The following ZNRF3 variants were observed in gnomAD, a reference collection of about 807,000 sequenced individuals.
ZNRF3 encodes zinc and ring finger 3, also known as E3 ubiquitin-protein ligase ZNRF3.
A neutral mutation model predicts 72.5 loss-of-function variants in ZNRF3; 23 were observed. The ratio of observed to expected loss-of-function variants is 0.32; its 90% CI spans 0.23 to 0.45. The LOEUF (loss-of-function observed/expected upper bound fraction) is 0.45. ZNRF3 is among the 20% of genes least tolerant of loss of function. The probability of loss-of-function intolerance (pLI) is 1.00; values close to 1 mark genes in which losing one functional copy is unlikely to be tolerated. For synonymous variants in ZNRF3, 610 were observed against 545.3 expected (o/e 1.12, Z -1.65); for missense variants, 1,169 against 1,272.1 (o/e 0.92, Z 1.23).
intron 1 of ZNRF3, among the ~76,000 whole-genome samples, chr22:28,985,770 A>C (rs1021130998): frequency 2.5e-4 from 38 of 152,306 alleles, no homozygotes; most frequent in African/African-American, 8.9e-4. Flanking sequence ...TGGGTGTATT[A>C]GTTTCCTATT....
intron 1 of ZNRF3, among the ~76,000 whole-genome samples, chr22:28,975,507 CAAA>C (rs71316877): frequency 2.1e-5 from 1 of 47,850 alleles, no homozygotes; most frequent in Non-Finnish European, 3.7e-5. Context: ...TACTCTGTCT[CAAA>C]AAAAAAAAAA....
intron 1 of ZNRF3, among the ~76,000 whole-genome samples, chr22:28,973,999 C>G (rs563295772): frequency 1.1e-3 from 163 of 149,370 alleles, no homozygotes; most frequent in African/African-American, 3.8e-3. Context: ...GCTTTGTCAC[C>G]CAGGCTGAAG....
intron 2 of ZNRF3, among the ~76,000 whole-genome samples, chr22:29,007,839 C>G (rs2123850271): frequency 6.6e-6 from 1 of 150,484 alleles, no homozygotes; most frequent in African/African-American, 2.5e-5. Flanking sequence ...TCACCACAAC[C>G]TCCGCCTCCC....
intron 2 of ZNRF3, among the ~76,000 whole-genome samples, chr22:29,035,033 G>A (rs562082484): frequency 1.4e-5 from 2 of 146,436 alleles, no homozygotes; most frequent in African/African-American, 2.6e-5. Context: ...ATAGACACAC[G>A]GAGTCTTGCT....
At chr22:29,018,732 A>G (rs181162380) in intron 2 of ZNRF3, 2 of 152,512 alleles carry the variant, frequency 1.3e-5, no homozygotes, top group Non-Finnish European at 2.9e-5. Context: ...GCACAAAGCA[A>G]TGTAAACAGG....
chr22:28,888,979 G>A (rs554923575), intron 1 of ZNRF3, among the ~76,000 whole-genome samples: 252 of 152,308 alleles, frequency 1.7e-3, no homozygotes, highest in Non-Finnish European at 2.8e-3. Context: ...GCCAGGTGTG[G>A]TGGCACATGC....
intron 1 of ZNRF3, among the ~76,000 whole-genome samples, chr22:28,927,999 C>A (rs2034634375): frequency 6.6e-6 from 1 of 152,182 alleles, no homozygotes; most frequent in Admixed American, 6.5e-5. Flanking sequence ...CTATAGAAGG[C>A]AGCTGCACAG....
intron 1 of ZNRF3, among the ~76,000 whole-genome samples, chr22:28,937,803 T>C (rs1050499939): frequency 1.3e-5 from 2 of 152,258 alleles, no homozygotes; most frequent in Non-Finnish European, 2.9e-5. Flanking sequence ...TATTCATACA[T>C]ATGTGGACAT....
intron 2 of ZNRF3, among the ~76,000 whole-genome samples, chr22:29,014,965 C>T (rs776969328): frequency 9.9e-5 from 15 of 152,228 alleles, no homozygotes; most frequent in Non-Finnish European, 8.8e-5. Flanking sequence ...GCCTCCGCTC[C>T]GTCATCTGTT....
intron 1 of ZNRF3, among the ~76,000 whole-genome samples, chr22:28,986,199 C>T (rs555260585): frequency 1.3e-5 from 2 of 152,142 alleles, no homozygotes; most frequent in Non-Finnish European, 2.9e-5. Context: ...ATCTTGGGGG[C>T]CATATTCTGT....
chr22:28,959,195 C>G (rs1423875581), intron 1 of ZNRF3, among the ~76,000 whole-genome samples: 1 of 152,220 alleles, frequency 6.6e-6, no homozygotes. Flanking sequence ...GCATGAGCAT[C>G]TGACCCAGCA....
chr22:28,968,107 G>C (rs1167032351), intron 1 of ZNRF3, among the ~76,000 whole-genome samples: 1 of 152,108 alleles, frequency 6.6e-6, no homozygotes, highest in African/African-American at 2.4e-5. Context: ...TCAAAGCTGT[G>C]TTAGAGGCTT....
chr22:29,045,638 G>A (rs867238583), intron 5 of ZNRF3, among the ~76,000 whole-genome samples: 5 of 151,944 alleles, frequency 3.3e-5, no homozygotes, highest in Non-Finnish European at 5.9e-5. Flanking sequence ...ACAGGCACCC[G>A]GCTAATTTTT....
At chr22:28,973,338 G>T (rs2035610015) in intron 1 of ZNRF3, among the ~76,000 whole-genome samples, 1 of 152,086 alleles carries the variant, frequency 6.6e-6, no homozygotes, top group African/African-American at 2.4e-5. Context: ...TTTTGATGAA[G>T]TTCATTTTGT....
chr22:29,004,353 G>A (rs974107581), intron 2 of ZNRF3, among the ~76,000 whole-genome samples: 1 of 152,168 alleles, frequency 6.6e-6, no homozygotes, highest in African/African-American at 2.4e-5. Flanking sequence ...CGTTAAATTG[G>A]AACCCTGAAG....
intron 2 of ZNRF3, among the ~76,000 whole-genome samples, chr22:29,002,180 A>G (rs1195006440): frequency 5.9e-5 from 9 of 152,226 alleles, no homozygotes. Flanking sequence ...TCAATAGCAG[A>G]GTGGCTGGTT....
chr22:28,915,267 T>G (rs1458348189), intron 1 of ZNRF3, among the ~76,000 whole-genome samples: 1 of 152,186 alleles, frequency 6.6e-6, no homozygotes, highest in Non-Finnish European at 1.5e-5. Context: ...AAGTGATGGT[T>G]TTCCTATGTT....
At chr22:29,051,640 C>T (rs2123890304) in intron 8 of ZNRF3, among the ~76,000 whole-genome samples, 1 of 149,858 alleles carries the variant, frequency 6.7e-6, no homozygotes, top group East Asian at 2.0e-4. Context: ...GACCCAGTGG[C>T]TCATGCCTGT....
chr22:28,916,349 C>G lies in ZNRF3; in HGVS notation c.300+32283C>G, dbSNP rs537032790. Among the ~76,000 whole-genome samples, 3 of 152,130 alleles carry G rather than the reference C, an allele frequency of 2.0e-5. No individual in the cohort carries two copies. In the East Asian group the frequency reaches 5.8e-4, roughly 29 times the overall value. The stretch of plus-strand genomic sequence containing the variant: ...TGCTGGGATTATAGGCATGAGCCAC[C>G]ATGCCTGGCTGAGATTTTTATTTTT... On this transcript the variant is annotated intron_variant, in intron 1 of 8. Transcript: ENST00000544604.
Sources: gnomAD v4.1 joint callset for allele counts (sites outside exome capture counted in the v4.1 genomes callset) on GRCh38, gnomAD v4.1.1 for gene constraint, MANE v1.5 for transcripts, NCBI Gene and HGNC (gene_info 2026-07-23, HGNC 2026-07-21) for gene names.